NPRL3: variants seen among roughly 807,000 people sequenced by gnomAD.
The protein encoded by NPRL3 is GATOR1 complex protein NPRL3.
NPRL3 carries 23 observed loss-of-function variants against 57.2 expected under a neutral mutation model. The observed-to-expected ratio is 0.40, with a 90% CI of 0.29 to 0.57. The LOEUF (loss-of-function observed/expected upper bound fraction) is 0.57, where lower values mean the gene tolerates loss of function less well. Ranked by LOEUF, NPRL3 falls within the 20% of genes least tolerant of loss-of-function variation. NPRL3 has a pLI of 0.42. For synonymous variants in NPRL3, 333 were observed against 321.1 expected (o/e 1.04, Z -0.39); for missense variants, 691 against 767.1 (o/e 0.90, Z 1.17).
chr16:130,726 A>G (rs1021534136), intron 2 of NPRL3, 135 bp from the exon 3 acceptor site: 19 of 806,382 alleles, frequency 2.4e-5, no homozygotes, highest in Middle Eastern at 2.6e-4. Flanking sequence ...TCAGACATAA[A>G]AAGGAATGAA....
intron 2 of NPRL3, among the ~76,000 whole-genome samples, chr16:136,959 G>A (rs1901118314): frequency 6.7e-6 from 1 of 150,212 alleles, no homozygotes; most frequent in Non-Finnish European, 1.5e-5. Flanking sequence ...TGTAATCCCA[G>A]TACTTTGGGA....
At chr16:110,484 C>T (rs376767737) in intron 7 of NPRL3, 41 bp downstream of exon 7, 18 of 1,515,730 alleles carry the variant, frequency 1.2e-5, no homozygotes, top group Middle Eastern at 1.7e-4. Flanking sequence ...GGCAGGCTGG[C>T]CCATAAGAAG....
At chr16:134,943 C>T (rs1417984018) in intron 2 of NPRL3, among the ~76,000 whole-genome samples, 6 of 151,702 alleles carry the variant, frequency 4.0e-5, no homozygotes, top group African/African-American at 7.3e-5. Flanking sequence ...CCTCGTGATC[C>T]GCCCGCCTCG....
chr16:121,902 G>C (rs1441907825), intron 3 of NPRL3, among the ~76,000 whole-genome samples: 1 of 147,926 alleles, frequency 6.8e-6, no homozygotes, highest in African/African-American at 2.5e-5. Context: ...AGCCTCCCGA[G>C]TAGCTGCGAT....
intron 5 of NPRL3, among the ~76,000 whole-genome samples, chr16:113,307 C>G (rs1050567003): frequency 6.6e-6 from 1 of 152,180 alleles, no homozygotes; most frequent in African/African-American, 2.4e-5. Context: ...AAGAGAGGCA[C>G]CAGGCCAATT....
intron 7 of NPRL3, among the ~76,000 whole-genome samples, chr16:104,493 C>G (rs1455675726): frequency 6.6e-6 from 1 of 152,102 alleles, no homozygotes; most frequent in African/African-American, 2.4e-5. Context: ...TAGTGACTTC[C>G]CAGCTTGGTC....
chr16:110,133 G>A (rs1430595262), intron 7 of NPRL3, among the ~76,000 whole-genome samples: 1 of 152,182 alleles, frequency 6.6e-6, no homozygotes, highest in Non-Finnish European at 1.5e-5. Context: ...GCCGGGTGTG[G>A]TGGCGCATGC....
intron 7 of NPRL3, among the ~76,000 whole-genome samples, chr16:104,687 G>A (rs1045783340): frequency 4.6e-5 from 7 of 152,320 alleles, no homozygotes; most frequent in African/African-American, 1.7e-4. Flanking sequence ...CTCCCTCAGA[G>A]CACTCTGCAC....
At chr16:124,714 A>G (rs1024030467) in intron 3 of NPRL3, among the ~76,000 whole-genome samples, 2 of 152,216 alleles carry the variant, frequency 1.3e-5, no homozygotes, top group Non-Finnish European at 2.9e-5. Flanking sequence ...TGGTGGATCC[A>G]TATATATTTG....
chr16:108,435 C>A (rs1325096891), intron 7 of NPRL3, among the ~76,000 whole-genome samples: 1 of 151,948 alleles, frequency 6.6e-6, no homozygotes, highest in Non-Finnish European at 1.5e-5. Context: ...GAGGTACAAA[C>A]CCCTGAGAAG....
At chr16:101,313 G>A (rs535548926) in intron 7 of NPRL3, among the ~76,000 whole-genome samples, 7 of 152,306 alleles carry the variant, frequency 4.6e-5, no homozygotes, top group South Asian at 2.1e-4. Flanking sequence ...TTCCAGTGGT[G>A]AGAAGCACAC....
At chr16:115,576 C>G (rs1899996950) in intron 5 of NPRL3, among the ~76,000 whole-genome samples, 1 of 151,800 alleles carries the variant, frequency 6.6e-6, no homozygotes, top group Non-Finnish European at 1.5e-5. Context: ...ACCTCCGCCT[C>G]CCGGATTCAA....
At chr16:137,745 G>T (rs898068791) in intron 2 of NPRL3, among the ~76,000 whole-genome samples, 1 of 151,528 alleles carries the variant, frequency 6.6e-6, no homozygotes, top group Non-Finnish European at 1.5e-5. Flanking sequence ...TATTTTTTCA[G>T]TAGAGACAGA....
intron 2 of NPRL3, among the ~76,000 whole-genome samples, chr16:137,721 T>G (rs1053586161): frequency 5.3e-5 from 8 of 150,696 alleles, no homozygotes; most frequent in Non-Finnish European, 1.0e-4. Flanking sequence ...GGCTAATTTG[T>G]TTTTTTTTAT....
intron 5 of NPRL3, among the ~76,000 whole-genome samples, chr16:116,286 C>T (rs1281599426): frequency 1.3e-5 from 2 of 152,180 alleles, no homozygotes; most frequent in African/African-American, 4.8e-5. Flanking sequence ...GGACAACATT[C>T]GTCATGGATT....
intron 9 of NPRL3, among the ~76,000 whole-genome samples, chr16:95,346 T>TACACACACACAC (rs1394224081): frequency 1.2e-3 from 54 of 46,404 alleles, no homozygotes; most frequent in African/African-American, 2.6e-3. Flanking sequence ...TATATATATA[T>TACACACACACAC]ATATACACAC....
intron 6 of NPRL3, among the ~76,000 whole-genome samples, chr16:111,588 T>G (rs55892571): frequency 0.015 from 2,308 of 152,028 alleles, 27 homozygotes; most frequent in Non-Finnish European, 0.023. Context: ...TAGCTGGAAC[T>G]ACGGGCACAT....
chr16:95,350 T>TACACACAC (rs142854412), intron 9 of NPRL3, among the ~76,000 whole-genome samples: 14 of 110,980 alleles, frequency 1.3e-4, no homozygotes, highest in African/African-American at 4.4e-4. Context: ...TATATATATA[T>TACACACAC]ACACACACAC....
chr16:119,159 C>T lies in NPRL3; in HGVS notation c.285G>A (p.Gly95=), dbSNP rs1900179447. The T allele has an allele frequency of 6.2e-7, 1 of 1,613,378 alleles. No individual in the cohort carries two copies. The highest frequency in any genetic ancestry group is 1.1e-5 in the South Asian group (1 of 90,904). Residue 95 remains glycine, a synonymous_variant, in exon 4 of 14, where the codon GGG becomes GGA. Coordinates refer to ENST00000611875, the MANE Select transcript of NPRL3 (RefSeq NM_001077350.3). The part of the protein sequence containing the change: ...ELKIDNVRFV[G]HPTLLQHALG... The stretch of plus-strand genomic sequence containing the variant: ...GAGCATGCTGTAGCAGTGTTGGGTG[C>T]CCAACAAATCGCACATTATCAATCT...
Sources: gnomAD v4.1 joint callset for allele counts (sites outside exome capture counted in the v4.1 genomes callset) on GRCh38, gnomAD v4.1.1 for gene constraint, MANE v1.5 for transcripts, NCBI Gene and HGNC (gene_info 2026-07-23, HGNC 2026-07-21) for gene names.